SEMA6D: variants seen among roughly 807,000 people sequenced by gnomAD.
SEMA6D encodes the protein semaphorin-6D.
Under a neutral mutation model 106.6 loss-of-function variants are expected in SEMA6D, and 35 were observed. That is an observed-to-expected ratio of 0.33 (90% CI 0.25 to 0.44). The LOEUF is 0.44. Among genes scored for constraint, SEMA6D ranks in the 20% least tolerant of loss-of-function variants. SEMA6D has a pLI of 1.00. For synonymous variants in SEMA6D, 499 were observed against 487.7 expected (o/e 1.02, Z -0.31); for missense variants, 1,185 against 1,345.9 (o/e 0.88, Z 1.87).
chr15:47,247,310 C>T lies in SEMA6D; in HGVS notation c.-239+62892C>T, dbSNP rs79135955. Among the ~76,000 whole-genome samples the T allele has an allele frequency of 5.1e-3, 774 of 151,812 alleles. 25 individuals carry two copies. The highest frequency in any genetic ancestry group is 0.036 in the Admixed American group (556 of 15,266). On this transcript the variant is annotated intron_variant, in intron 1 of 19. Coordinates refer to the SEMA6D transcript ENST00000558014. ...TTAAATTCATCTGAATCCTGAAGCA[C>T]GATTAGGGTTTAGGTTGTCAGAAGG... is the stretch of plus-strand genomic sequence containing the variant.
chr15:47,620,919 T>G (rs1419729936), intron 4 of SEMA6D, among the ~76,000 whole-genome samples: 2 of 151,984 alleles, frequency 1.3e-5, no homozygotes, highest in Non-Finnish European at 1.5e-5. Flanking sequence ...ATTCCACCTG[T>G]GACCCAGCTC....
intron 1 of SEMA6D, among the ~76,000 whole-genome samples, chr15:47,757,876 G>GC (rs925272604): frequency 6.6e-6 from 1 of 152,090 alleles, no homozygotes; most frequent in African/African-American, 2.4e-5. Flanking sequence ...TTTCCTATGT[G>GC]CCAGGCATTT....
intron 4 of SEMA6D, among the ~76,000 whole-genome samples, chr15:47,639,973 G>A (rs888254529): frequency 6.6e-6 from 1 of 152,038 alleles, no homozygotes; most frequent in Admixed American, 6.6e-5. Context: ...TCTGGATATC[G>A]AAATAAACTA....
intron 3 of SEMA6D, among the ~76,000 whole-genome samples, chr15:47,600,375 C>A (rs2076624518): frequency 6.6e-6 from 1 of 151,998 alleles, no homozygotes; most frequent in African/African-American, 2.4e-5. Flanking sequence ...GTTCTTCCAG[C>A]CTAATTGTTA....
chr15:47,462,942 T>C (rs1156244323), intron 2 of SEMA6D, among the ~76,000 whole-genome samples: 1 of 152,048 alleles, frequency 6.6e-6, no homozygotes, highest in Non-Finnish European at 1.5e-5. Flanking sequence ...ACAGATGTCA[T>C]TGAAAGAGGC....
intron 2 of SEMA6D, among the ~76,000 whole-genome samples, chr15:47,438,151 C>T (rs1282110072): frequency 6.6e-6 from 1 of 152,050 alleles, no homozygotes; most frequent in Non-Finnish European, 1.5e-5. Context: ...TTATCCTTGA[C>T]ACCTCTCTTC....
At chr15:47,426,897 A>G (rs1387106701) in intron 2 of SEMA6D, among the ~76,000 whole-genome samples, 1 of 152,172 alleles carries the variant, frequency 6.6e-6, no homozygotes, top group Non-Finnish European at 1.5e-5. Context: ...ATAAATCTGA[A>G]GAGAATATTT....
intron 2 of SEMA6D, among the ~76,000 whole-genome samples, chr15:47,422,279 A>G (rs1006609676): frequency 2.7e-5 from 4 of 148,174 alleles, no homozygotes; most frequent in Admixed American, 2.1e-4. Flanking sequence ...GTCAGGTATC[A>G]TTGAATTAAA....
intron 1 of SEMA6D, among the ~76,000 whole-genome samples, chr15:47,187,697 TA>T (rs1893672069): frequency 6.6e-6 from 1 of 152,162 alleles, no homozygotes. Context: ...CCTTTTAAAT[TA>T]ATACTATGTT....
At chr15:47,273,071 G>C (rs1354172726) in intron 1 of SEMA6D, among the ~76,000 whole-genome samples, 1 of 152,140 alleles carries the variant, frequency 6.6e-6, no homozygotes, top group East Asian at 1.9e-4. Context: ...TGGGAACCCT[G>C]TAAGTTTATT....
intron 2 of SEMA6D, among the ~76,000 whole-genome samples, chr15:47,412,735 C>T (rs1359061931): frequency 6.6e-6 from 1 of 152,016 alleles, no homozygotes; most frequent in Non-Finnish European, 1.5e-5. Context: ...GAAATGGTTT[C>T]CATTTTGAAC....
Position 47,229,423 on chromosome 15 carries a change from A to G in SEMA6D, c.-239+45005A>G, listed in dbSNP as rs755295296. Among the ~76,000 whole-genome samples, 43 of 151,962 alleles carry G rather than the reference A, an allele frequency of 2.8e-4. 3 individuals carry two copies. Among genetic ancestry groups the G allele is most frequent in the Non-Finnish European group, 7.4e-5 (5 of 67,954 alleles). ...TGGGGGATGCAGTTTATGGTCATGG[A>G]TAATACATACTGAAATTTGACAAAG... On this transcript the variant is annotated intron_variant, in intron 1 of 19. Coordinates refer to the SEMA6D transcript ENST00000558014.
chr15:47,640,064 TAGG>T (rs756673563), intron 4 of SEMA6D, among the ~76,000 whole-genome samples: 7 of 152,166 alleles, frequency 4.6e-5, no homozygotes, highest in African/African-American at 9.7e-5. Flanking sequence ...ATGTTAATAA[TAGG>T]AGACACTGAA....
At chr15:47,610,630 C>T (rs1005051081) in intron 4 of SEMA6D, among the ~76,000 whole-genome samples, 5 of 152,164 alleles carry the variant, frequency 3.3e-5, no homozygotes, top group Non-Finnish European at 7.3e-5. Context: ...CTGCTTCCTT[C>T]CTAGATATAT....
intron 1 of SEMA6D, among the ~76,000 whole-genome samples, chr15:47,283,488 C>CCACTT (rs1335031161): frequency 6.6e-6 from 1 of 152,142 alleles, no homozygotes; most frequent in Non-Finnish European, 1.5e-5. Context: ...TCAATTCCTG[C>CCACTT]CACTTTTCTT....
At chr15:47,194,977 C>G (rs1201901803) in intron 1 of SEMA6D, among the ~76,000 whole-genome samples, 1 of 152,140 alleles carries the variant, frequency 6.6e-6, no homozygotes, top group East Asian at 1.9e-4. Flanking sequence ...TCAGCACTTA[C>G]CAGAATAGCA....
At chr15:47,765,239 G>A (rs532523425) in intron 13 of SEMA6D, 183 bp downstream of exon 13, 5 of 1,384,184 alleles carry the variant, frequency 3.6e-6, no homozygotes, top group Admixed American at 3.1e-5. Context: ...TAGGGCGAGG[G>A]GGGTGAATGG....
chr15:47,282,973 A>G (rs2035197017), intron 1 of SEMA6D, among the ~76,000 whole-genome samples: 1 of 151,090 alleles, frequency 6.6e-6, no homozygotes, highest in South Asian at 2.1e-4. Flanking sequence ...TCATGTCCTC[A>G]CTCTCCTATC....
chr15:47,314,454 C>T (rs1030389964), intron 1 of SEMA6D, among the ~76,000 whole-genome samples: 117 of 149,276 alleles, frequency 7.8e-4, no homozygotes, highest in Non-Finnish European at 1.3e-3. Context: ...AAAAATTAGC[C>T]GGGCGTAGTG....
Sources: allele counts gnomAD v4.1 joint callset (sites outside exome capture counted in the v4.1 genomes callset), GRCh38; gene constraint gnomAD v4.1.1; transcripts MANE v1.5; gene names NCBI Gene and HGNC (gene_info 2026-07-23, HGNC 2026-07-21).